The following ADCY2 variants were observed in gnomAD, a reference collection of about 807,000 sequenced individuals.
ADCY2 encodes the protein adenylate cyclase type 2.
Under a neutral mutation model 125.2 loss-of-function variants are expected in ADCY2, and 31 were observed. The observed-to-expected ratio is 0.25, with a 90% CI of 0.19 to 0.33. ADCY2 has a LOEUF of 0.33. ADCY2 is among the 10% of genes least tolerant of loss of function. ADCY2 has a pLI of 1.00. For missense variants in ADCY2, 904 were observed against 1,418.2 expected (o/e 0.64, Z 5.82); for synonymous variants, 512 against 548.4 (o/e 0.93, Z 0.93).
At chr5:7,475,000 G>A (rs996613029) in intron 2 of ADCY2, among the ~76,000 whole-genome samples, 4 of 152,160 alleles carry the variant, frequency 2.6e-5, no homozygotes, top group Admixed American at 6.5e-5. Context: ...GAGCGCTCCC[G>A]GGAGGCGTGG....
intron 2 of ADCY2, among the ~76,000 whole-genome samples, chr5:7,489,563 C>A (rs896118538): frequency 6.6e-6 from 1 of 152,186 alleles, no homozygotes; most frequent in African/African-American, 2.4e-5. Context: ...CCTGCACGAG[C>A]TCTCTTGCCT....
At chr5:7,424,494 C>T (rs1740317883) in intron 2 of ADCY2, among the ~76,000 whole-genome samples, 1 of 152,234 alleles carries the variant, frequency 6.6e-6, no homozygotes, top group South Asian at 2.1e-4. Flanking sequence ...AGGGTGTCCC[C>T]CTCCTGTTGT....
rs182708293 is a variant in ADCY2, at chr5:7,814,418, C to T, written c.2884-2448C>T. ...AATGAGAGGTGAAGGATGCCCCTGC[C>T]GTCCAGTAGGCAGAGGCCAGGGATG... On this transcript the variant is annotated intron_variant, in intron 22 of 24. Transcript: ENST00000338316. 2.1e-3 allele frequency among the ~76,000 whole-genome samples: 321 copies of T among 152,140 alleles called. 1 individual carries two copies. Among genetic ancestry groups the T allele is most frequent in the African/African-American group, 7.3e-3 (304 of 41,474 alleles).
At chr5:7,642,852 C>CTAAGTTTCATAATCAAA (rs879558076) in intron 4 of ADCY2, among the ~76,000 whole-genome samples, 4 of 152,092 alleles carry the variant, frequency 2.6e-5, no homozygotes, top group Middle Eastern at 3.4e-3. Context: ...TCTCACCAAA[C>CTAAGTTTCATAATCAAA]TAAGTTTCAT....
chr5:7,527,970 G>A (rs1362401197), intron 3 of ADCY2, among the ~76,000 whole-genome samples: 1 of 152,120 alleles, frequency 6.6e-6, no homozygotes, highest in Non-Finnish European at 1.5e-5. Flanking sequence ...TTGTCTTCAG[G>A]GAACATAGGG....
rs775988363 is a variant in ADCY2, at chr5:7,396,459, A to C, written c.163A>C (p.Met55Leu). The C allele has an allele frequency of 6.3e-7, 1 of 1,576,296 alleles. No individual in the cohort carries two copies. The highest frequency in any genetic ancestry group is 1.1e-5 in the South Asian group (1 of 88,030). Residue 55 changes from methionine (M) to leucine (L), a missense_variant, in exon 1 of 25, where the codon ATG becomes CTG. Coordinates refer to ENST00000338316, the MANE Select transcript of ADCY2 (RefSeq NM_020546.3). This position sits in a 1 kb window ranked among gnomAD's most constrained non-coding sequence, Gnocchi z 5.7. ...PLIVFLLLIV[M>L]GSCLALLAVF... ...CATCGTCTTCCTGCTGCTCATCGTCATGGGCTCCTGCCTCGCCCTGCTCGC... is the reference window on the plus strand; with the variant it reads ...CATCGTCTTCCTGCTGCTCATCGTCCTGGGCTCCTGCCTCGCCCTGCTCGC...
At chr5:7,435,595 T>A (rs758042649) in intron 2 of ADCY2, among the ~76,000 whole-genome samples, 1 of 152,194 alleles carries the variant, frequency 6.6e-6, no homozygotes, top group Non-Finnish European at 1.5e-5. Flanking sequence ...CAAAACGATT[T>A]CTTATAGTTC....
intron 2 of ADCY2, among the ~76,000 whole-genome samples, chr5:7,435,732 A>G (rs891032627): frequency 2.6e-5 from 4 of 152,222 alleles, no homozygotes; most frequent in African/African-American, 9.6e-5. Context: ...ACGTGTGTCA[A>G]TAGTAGGACC....
In ADCY2 at chr5:7,550,510, C is replaced by T. The variant is rs1172834681; in HGVS notation, c.570+29611C>T. ...AGTACTTTGGATAAACATTTCTTCTCTAGACATCTCTGTCAACTTTGGGAT... is the reference window on the plus strand; with the variant it reads ...AGTACTTTGGATAAACATTTCTTCTTTAGACATCTCTGTCAACTTTGGGAT... On this transcript the variant is annotated intron_variant, in intron 3 of 24. Coordinates refer to ENST00000338316, the MANE Select transcript of ADCY2 (RefSeq NM_020546.3). 2.0e-5 allele frequency among the ~76,000 whole-genome samples: 3 copies of T among 152,174 alleles called. No homozygotes were observed. The East Asian group carries it at 5.8e-4, about 29-fold the overall frequency.
Position 7,802,508 on chromosome 5 carries a change from C to T in ADCY2, c.2775+144C>T. 3 of 899,198 alleles carry T rather than the reference C, an allele frequency of 3.3e-6. No homozygotes were observed. The highest frequency in any genetic ancestry group is 4.9e-6 in the Non-Finnish European group (3 of 612,390). 55.7% of individuals were successfully genotyped at this position (899,198 alleles called of 1,614,324 possible). On this transcript the variant is annotated intron_variant, in intron 21 of 24. Coordinates refer to ENST00000338316, the MANE Select transcript of ADCY2 (RefSeq NM_020546.3). The surrounding 1 kb of genome is among the most constrained non-coding windows in gnomAD (Gnocchi z 4.6). ...TGGCAGATGGCATTAAAGCCTTTTG[C>T]TTTATTTAGGTCTCTGACTAATTTA...
intron 3 of ADCY2, among the ~76,000 whole-genome samples, chr5:7,577,519 A>C (rs1288269229): frequency 2.0e-5 from 3 of 152,178 alleles, no homozygotes; most frequent in African/African-American, 4.8e-5. Context: ...GTAAGTTGAT[A>C]GTGAATTTGG....
chr5:7,782,498 C>T (rs1019362646), intron 18 of ADCY2, among the ~76,000 whole-genome samples: 2 of 152,186 alleles, frequency 1.3e-5, no homozygotes, highest in Non-Finnish European at 2.9e-5. Context: ...GTTAGAAATG[C>T]AAAGGGGACT....
intron 1 of ADCY2, among the ~76,000 whole-genome samples, chr5:7,413,699 G>A (rs1288412664): frequency 6.6e-6 from 1 of 151,640 alleles, no homozygotes; most frequent in Non-Finnish European, 1.5e-5. Context: ...CATAGTAAAC[G>A]CTGTCCATAG....
chr5:7,501,530 T>TA (rs908320249), intron 2 of ADCY2, among the ~76,000 whole-genome samples: 1 of 146,368 alleles, frequency 6.8e-6, no homozygotes, highest in South Asian at 2.2e-4. Flanking sequence ...TGATATAGAA[T>TA]AAAAAATCAG....
intron 3 of ADCY2, among the ~76,000 whole-genome samples, chr5:7,528,956 G>T (rs189863778): frequency 6.6e-6 from 1 of 152,320 alleles, no homozygotes; most frequent in African/African-American, 2.4e-5. Flanking sequence ...GAGTCACACA[G>T]GACAGACTCC....
intron 2 of ADCY2, among the ~76,000 whole-genome samples, chr5:7,469,910 A>T (rs1420099768): frequency 6.6e-6 from 1 of 151,204 alleles, no homozygotes; most frequent in South Asian, 2.1e-4. Context: ...GTTGTTTTCT[A>T]TATGTACTTT....
chr5:7,803,176 C>T (rs1488933607), intron 21 of ADCY2, among the ~76,000 whole-genome samples: 3 of 152,150 alleles, frequency 2.0e-5, no homozygotes, highest in Non-Finnish European at 4.4e-5. Context: ...TGACCGTCAG[C>T]GATTACCACT....
At chr5:7,513,080 C>CAG (rs1744126879) in intron 2 of ADCY2, among the ~76,000 whole-genome samples, 1 of 130,360 alleles carries the variant, frequency 7.7e-6, no homozygotes, top group Non-Finnish European at 1.8e-5. Context: ...AAATACATGA[C>CAG]ACACACACAC....
At chr5:7,744,908 T>G (rs1742550148) in intron 15 of ADCY2, among the ~76,000 whole-genome samples, 2 of 152,374 alleles carry the variant, frequency 1.3e-5, no homozygotes, top group African/African-American at 4.8e-5. Context: ...AAAATTATGA[T>G]TTCTTCTGCT....
Sources: gnomAD v4.1 joint callset for allele counts (sites outside exome capture counted in the v4.1 genomes callset) on GRCh38, gnomAD v4.1.1 for gene constraint, Gnocchi (gnomAD v3.1) non-coding constraint, MANE v1.5 for transcripts, NCBI Gene and HGNC (gene_info 2026-07-23, HGNC 2026-07-21) for gene names.